The following PCDHGA5 variants were observed in gnomAD, a reference collection of about 807,000 sequenced individuals.
PCDHGA5 encodes the protein protocadherin gamma-A5.
Under a neutral mutation model 56.7 loss-of-function variants are expected in PCDHGA5, and 36 were observed. The ratio of observed to expected loss-of-function variants is 0.64; its 90% confidence interval spans 0.49 to 0.84. The LOEUF (loss-of-function observed/expected upper bound fraction) is 0.84, where lower values mean the gene tolerates loss of function less well. Among genes scored for constraint, PCDHGA5 ranks in the 40% least tolerant of loss-of-function variants. PCDHGA5 has a pLI of 0.00. For synonymous variants in PCDHGA5, 563 were observed against 520.2 expected, an observed-to-expected ratio of 1.08 and a Z score of -1.12; for missense variants, 1,305 against 1,201.5, an observed-to-expected ratio of 1.09 and a Z score of -1.27.
chr5:141,370,773 AACG>A, intron 1 of PCDHGA5: 2 of 1,614,002 alleles, frequency 1.2e-6, no homozygotes, highest in Non-Finnish European at 1.7e-6. Flanking sequence ...CCAGGATATT[AACG>A]ACAACCCACC....
rs199936765 is a variant in PCDHGA5 at position 141,408,488 on chromosome 5, T to G, written c.2421+41737T>G. Reference sequence around the variant, plus strand: ...GAACCGAATAGACCGTGAGCAAATATGCAAAGAGAGAAGAAGATGTGAGTT... The same window carrying G: ...GAACCGAATAGACCGTGAGCAAATAGGCAAAGAGAGAAGAAGATGTGAGTT... On this transcript the variant is annotated intron_variant, in intron 1 of 3. Transcript: ENST00000518069. 8.1e-5 allele frequency: 130 copies of G among 1,614,012 alleles called. No individual in the cohort carries two copies. The Middle Eastern group carries it at 1.8e-3, about 23-fold the overall frequency.
rs765397942 is a variant in PCDHGA5, at chr5:141,371,419, A to G, written c.2421+4668A>G. On this transcript the variant is annotated intron_variant, in intron 1 of 3. Transcript: ENST00000518069. ...CAGATAGATATTTCAGATGAAAATG[A>G]CAATGCCCCGGAGATAACCCTGGCT... The G allele has an allele frequency of 3.1e-6, 5 of 1,613,904 alleles. No individual in the cohort carries two copies. The African/African-American group carries it at 6.7e-5, about 22-fold the overall frequency.
rs749121255 is a variant in PCDHGA5 at position 141,415,427 on chromosome 5, G to A, written c.2421+48676G>A. 3.1e-6 allele frequency: 5 copies of A among 1,614,050 alleles called. No homozygotes were observed. Among genetic ancestry groups the A allele is most frequent in the African/African-American group, 1.3e-5 (1 of 74,926 alleles). ...CACTTTGTGGGCGTGGACGGGGTTC[G>A]GGCTTTCCTGCAGACCTATTCCCAC... is the stretch of plus-strand genomic sequence containing the variant. On this transcript the variant is annotated intron_variant, in intron 1 of 3. Transcript: ENST00000518069.
intron 1 of PCDHGA5, chr5:141,371,272 A>G (rs750507837): frequency 1.9e-6 from 3 of 1,614,026 alleles, no homozygotes; most frequent in Admixed American, 1.7e-5. Context: ...CAACTGTTCA[A>G]GCTGGACAGT....
intron 1 of PCDHGA5, chr5:141,441,810 C>T (rs2098275091): frequency 6.4e-5 from 24 of 372,574 alleles, no homozygotes; most frequent in Middle Eastern, 7.2e-4. Flanking sequence ...GGTGCTGTAC[C>T]CCAGCTCTGG....
chr5:141,489,205 G>A lies in PCDHGA5; in HGVS notation c.2422-5602G>A. 2.1e-6 allele frequency: 3 copies of A among 1,438,682 alleles called. No homozygotes were observed. Among genetic ancestry groups the A allele is most frequent in the Non-Finnish European group, 1.9e-6 (2 of 1,060,944 alleles). 89.1% of individuals were successfully genotyped at this position (1,438,682 alleles called of 1,614,324 possible). On this transcript the variant is annotated intron_variant, in intron 1 of 3. Coordinates refer to ENST00000518069, the MANE Select transcript of PCDHGA5 (RefSeq NM_018918.3). The surrounding 1 kb of genome is among the most constrained non-coding windows in gnomAD (Gnocchi z 4.5). ...CTGGGTCTACCTTGGAGACAGGACA[G>A]CACAGACTTACTCTCCACAAAGGGA...
intron 1 of PCDHGA5, among the ~76,000 whole-genome samples, chr5:141,407,155 TG>T (rs1451933301): frequency 1.3e-5 from 2 of 152,232 alleles, no homozygotes; most frequent in Non-Finnish European, 2.9e-5. Flanking sequence ...CTGAAGTGTC[TG>T]GGAATCCTTT....
chr5:141,449,774 A>G (rs541830970), intron 1 of PCDHGA5, among the ~76,000 whole-genome samples: 2 of 151,714 alleles, frequency 1.3e-5, no homozygotes, highest in African/African-American at 4.8e-5. Flanking sequence ...AAGTTGTAGA[A>G]ATTATGTTTC....
At chr5:141,371,849 C>A (rs1323132095) in intron 1 of PCDHGA5, 1 of 1,613,660 alleles carries the variant, frequency 6.2e-7, no homozygotes, top group East Asian at 2.2e-5. Flanking sequence ...GACCTAATGG[C>A]CTTGTCTCCT....
chr5:141,399,612 G>A (rs1191904235), intron 1 of PCDHGA5: 1 of 1,613,812 alleles, frequency 6.2e-7, no homozygotes, highest in African/African-American at 1.3e-5. Flanking sequence ...TAGAGCCTCT[G>A]GCACTGGCCT....
Position 141,417,931 on chromosome 5 carries a change from G to C in PCDHGA5, c.2421+51180G>C, listed in dbSNP as rs551432799. The C allele has an allele frequency of 6.2e-6, 10 of 1,611,500 alleles. No homozygotes were observed. In the South Asian group the frequency reaches 9.9e-5, roughly 16 times the overall value. On this transcript the variant is annotated intron_variant, in intron 1 of 3. Transcript: ENST00000518069. ...TACTATTTCCTTTGCTGCTGCCTTT[G>C]TTCTACCCCACGCTGTGTGAGCCGA...
At chr5:141,384,906 C>T (rs767972748) in intron 1 of PCDHGA5, 4 of 1,613,882 alleles carry the variant, frequency 2.5e-6, no homozygotes, top group Non-Finnish European at 3.4e-6. Flanking sequence ...ACAGCATCCC[C>T]GAAGTCTTGG....
chr5:141,399,109 A>G (rs1346301996), intron 1 of PCDHGA5: 4 of 1,613,714 alleles, frequency 2.5e-6, no homozygotes, highest in Admixed American at 3.3e-5. Context: ...TGCACAATGT[A>G]CAGTTGAAAT....
intron 1 of PCDHGA5, chr5:141,394,190 G>A (rs1370592594): frequency 1.9e-6 from 3 of 1,613,800 alleles, no homozygotes; most frequent in African/African-American, 1.3e-5. Context: ...CCTACTCAGC[G>A]TATATCCTAG....
intron 1 of PCDHGA5, among the ~76,000 whole-genome samples, chr5:141,460,646 C>T (rs1001365023): frequency 2.0e-5 from 3 of 151,954 alleles, no homozygotes; most frequent in African/African-American, 7.3e-5. Context: ...ACTGTGTTTA[C>T]ACATATGTAA....
At position 141,364,883 on chromosome 5, in the gene PCDHGA5, G is replaced by A. The variant is rs2149867469; in HGVS notation, c.553G>A (p.Gly185Arg). The A allele has an allele frequency of 6.2e-7, 1 of 1,613,946 alleles. No individual in the cohort carries two copies. Among genetic ancestry groups the A allele is most frequent in the East Asian group, 2.2e-5 (1 of 44,876 alleles). ...NLHFSLDVVS[G>R]TDGQKYPELV... Reference sequence around the variant, plus strand: ...GCACTTCTCTCTGGATGTGGTAAGCGGAACTGATGGACAAAAGTATCCGGA... The same window carrying A: ...GCACTTCTCTCTGGATGTGGTAAGCAGAACTGATGGACAAAAGTATCCGGA... Residue 185 changes from glycine to arginine, a missense_variant, in exon 1 of 4, where the codon GGA becomes AGA. By Grantham distance (125) the Gly-to-Arg change is moderately radical. Coordinates refer to ENST00000518069, the MANE Select transcript of PCDHGA5 (RefSeq NM_018918.3).
intron 1 of PCDHGA5, among the ~76,000 whole-genome samples, chr5:141,460,447 A>G (rs1202218653): frequency 6.6e-6 from 1 of 152,170 alleles, no homozygotes; most frequent in Non-Finnish European, 1.5e-5. Context: ...GTAACAATGA[A>G]GATTCATATT....
At chr5:141,371,039 G>A (rs1233349729) in intron 1 of PCDHGA5, 1 of 1,613,848 alleles carries the variant, frequency 6.2e-7, no homozygotes, top group Admixed American at 1.7e-5. Context: ...TCACAGCTGT[G>A]GATGGGGGCG....
intron 1 of PCDHGA5, chr5:141,385,874 A>G (rs1465622834): frequency 6.5e-6 from 1 of 153,030 alleles, no homozygotes; most frequent in Non-Finnish European, 1.5e-5. Context: ...GGTTGGATTT[A>G]TGCCTAAAGA....
Sources: gnomAD v4.1 joint callset for allele counts (sites outside exome capture counted in the v4.1 genomes callset) on GRCh38, gnomAD v4.1.1 for gene constraint, Gnocchi (gnomAD v3.1) non-coding constraint, MANE v1.5 for transcripts, NCBI Gene and HGNC (gene_info 2026-07-23, HGNC 2026-07-21) for gene names.